The following ROS1 variants were observed in gnomAD, a reference collection of about 807,000 sequenced individuals.
ROS1 encodes the protein ROS proto-oncogene 1, receptor tyrosine kinase, also known as proto-oncogene tyrosine-protein kinase ROS.
Under a neutral mutation model 273.5 loss-of-function variants are expected in ROS1, and 263 were observed. The ratio of observed to expected loss-of-function variants is 0.96; its 90% CI spans 0.87 to 1.06. ROS1 has a LOEUF of 1.06. Among genes scored for constraint, ROS1 ranks in the 50% least tolerant of loss-of-function variants. The pLI is 0.00. For synonymous variants in ROS1, 1,008 were observed against 954.1 expected (o/e 1.06, Z -1.04); for missense variants, 2,833 against 2,751.1 (o/e 1.03, Z -0.67).
chr6:117,348,707 A>AT (rs199629368), intron 27 of ROS1, among the ~76,000 whole-genome samples: 2,758 of 151,758 alleles, frequency 0.018, 79 homozygotes, highest in African/African-American at 0.056. Context: ...TTTTAGATCT[A>AT]TTTTTTTAAT....
rs1225522207 is a variant in ROS1, at chr6:117,389,778, G to A, written c.1358C>T (p.Ala453Val). 1.2e-6 allele frequency: 2 copies of A among 1,613,974 alleles called. No homozygotes were observed. Among genetic ancestry groups the A allele is most frequent in the Non-Finnish European group, 1.7e-6 (2 of 1,179,992 alleles). ...ACTCTCCACAATACGCACAGCTTCT[G>A]CACACCGGCCAGATGGTACAGGAAG... ...ADLPVPSGRC[A>V]EAVRIVESCT... is the part of the protein sequence containing the mutation. The change falls in exon 13 of 44, where the codon GCA (alanine) becomes GTA (valine). Residue 453 changes from alanine to valine, a missense_variant. By Grantham distance (64) the Ala-to-Val change is moderately conservative (BLOSUM62 0). Transcript: ENST00000368507.
intron 18 of ROS1, among the ~76,000 whole-genome samples, chr6:117,373,284 C>T (rs987692028): frequency 3.9e-5 from 6 of 152,258 alleles, no homozygotes; most frequent in African/African-American, 9.6e-5. Flanking sequence ...CTACACCATG[C>T]GCCTGCACTC....
At chr6:117,290,293 C>T (rs915878720) in intron 43 of ROS1, among the ~76,000 whole-genome samples, 3 of 152,168 alleles carry the variant, frequency 2.0e-5, no homozygotes, top group African/African-American at 7.2e-5. Flanking sequence ...CATTAGCTAA[C>T]TACTTTATTG....
At chr6:117,320,484 C>T (rs1331049888) in intron 36 of ROS1, among the ~76,000 whole-genome samples, 1 of 152,110 alleles carries the variant, frequency 6.6e-6, no homozygotes, top group Non-Finnish European at 1.5e-5. Context: ...AAAAAATCAA[C>T]CCCATCACCA....
Position 117,353,063 on chromosome 6 carries a change from G to A in ROS1, c.4230C>T (p.Ala1410=). ...TTAGGGCCTTCACCTGGGAAACGAT[G>A]GCCCCATTTCCTTTCTTTGCCTGAT... ...QIYQAKKGNG[A]IVSQVKALRS... The change falls in exon 27 of 44, where the codon GCC becomes GCT. Residue 1410 remains alanine (A), a synonymous_variant. Coordinates refer to ENST00000368507, the MANE Select transcript of ROS1 (RefSeq NM_001378902.1). The A allele has an allele frequency of 6.2e-7, 1 of 1,614,120 alleles. No individual in the cohort carries two copies. Among genetic ancestry groups the A allele is most frequent in the Non-Finnish European group, 8.5e-7 (1 of 1,179,998 alleles).
At chr6:117,342,575 T>G (rs1427904414) in intron 28 of ROS1, 31 bp from the exon 29 acceptor site, 1 of 1,320,992 alleles carries the variant, frequency 7.6e-7, no homozygotes, top group Non-Finnish European at 1.0e-6. Flanking sequence ...ATCAACATCT[T>G]ATTTTTAACA....
intron 14 of ROS1, 142 bp downstream of exon 14, chr6:117,387,638 A>C: frequency 1.4e-6 from 1 of 733,142 alleles, no homozygotes; most frequent in Non-Finnish European, 2.3e-6. Flanking sequence ...TGTACTCAAT[A>C]TGTGTTTACT....
chr6:117,371,886 C>T (rs1461430699), intron 18 of ROS1, among the ~76,000 whole-genome samples: 2 of 152,182 alleles, frequency 1.3e-5, no homozygotes, highest in East Asian at 3.9e-4. Flanking sequence ...AACTACACCC[C>T]CATCCCCTAC....
At chr6:117,314,210 C>G (rs1775743016) in intron 39 of ROS1, among the ~76,000 whole-genome samples, 2 of 152,110 alleles carry the variant, frequency 1.3e-5, no homozygotes, top group Non-Finnish European at 2.9e-5. Context: ...CCAAACCTTA[C>G]TAACATGGCA....
rs1243356301 is a variant in ROS1, at chr6:117,321,377, T to G, written c.5641A>C (p.Lys1881Gln). 6.2e-7 allele frequency: 1 copy of G among 1,612,670 alleles called. No individual in the cohort carries two copies. The highest frequency in any genetic ancestry group is 8.5e-7 in the Non-Finnish European group (1 of 1,179,390). Residue 1881 changes from lysine (K) to glutamine (Q), a missense_variant, in exon 36 of 44, where the codon AAG (lysine) becomes CAG (glutamine). Coordinates refer to ENST00000368507, the MANE Select transcript of ROS1 (RefSeq NM_001378902.1). The stretch of plus-strand genomic sequence containing the variant: ...CCTTCCTTGGCACTTTTTTGATTCT[T>G]TAATCTTCTATGCCAGACTATAAAG... ...PLTFVWHRRL[K>Q]NQKSAKEGVT...
chr6:117,333,556 T>C (rs571799463), intron 32 of ROS1, among the ~76,000 whole-genome samples: 1 of 152,180 alleles, frequency 6.6e-6, no homozygotes, highest in African/African-American at 2.4e-5. Context: ...TTCGGGCCAA[T>C]ATACCTGATG....
rs1775437042 is a variant in ROS1, at chr6:117,310,259, G to A, written c.6238C>T (p.Leu2080Phe). ...IHRDLAARNC[L>F]VSVKDYTSPR... ...CTGGTATAGTCTTTCACGGAAACAA[G>A]GCAATTTCTAGCTGCCAGATCCCTG... The change falls in exon 41 of 44, where the codon CTT becomes TTT. Residue 2080 changes from leucine to phenylalanine, a missense_variant. By Grantham distance (22) the Leu-to-Phe change is conservative (BLOSUM62 0). Coordinates refer to ENST00000368507, the MANE Select transcript of ROS1 (RefSeq NM_001378902.1). The A allele has an allele frequency of 1.9e-6, 3 of 1,609,250 alleles. No homozygotes were observed. The highest frequency in any genetic ancestry group is 2.5e-6 in the Non-Finnish European group (3 of 1,177,514).
rs762731566 is a variant in ROS1, at chr6:117,389,465, A to G, written c.1671T>C (p.Phe557=). ...GAGGGTGCAGCTGGGAGGATGAGCC[A>G]AAGATGACCAAGTTACCAAACCCAA... is the stretch of plus-strand genomic sequence containing the variant. ...EEFGFGNLVI[F]GSSSQLHPLP... The change falls in exon 13 of 44, where the codon TTT becomes TTC. Residue 557 remains phenylalanine, a synonymous_variant. Coordinates refer to ENST00000368507, the MANE Select transcript of ROS1 (RefSeq NM_001378902.1). 1.5e-5 allele frequency: 24 copies of G among 1,614,094 alleles called. No homozygotes were observed. The highest frequency in any genetic ancestry group is 1.9e-5 in the Non-Finnish European group (22 of 1,180,048).
chr6:117,345,050 T>G (rs1284128372), intron 27 of ROS1, among the ~76,000 whole-genome samples: 2 of 152,216 alleles, frequency 1.3e-5, no homozygotes, highest in Non-Finnish European at 2.9e-5. Flanking sequence ...ACTCCAAATA[T>G]GATTTTAATA....
chr6:117,379,322 C>A lies in ROS1; in HGVS notation c.2482-163G>T, dbSNP rs1196866882. Among the ~76,000 whole-genome samples, 4 of 152,172 alleles carry A rather than the reference C, an allele frequency of 2.6e-5. No individual in the cohort carries two copies. The East Asian group carries it at 7.7e-4, about 29-fold the overall frequency. Reference sequence around the variant, plus strand: ...TGACTATAAAACTTATATGATTATGCTTATTACTGTTATTTGGATATAAAC... The same window carrying A: ...TGACTATAAAACTTATATGATTATGATTATTACTGTTATTTGGATATAAAC... On this transcript the variant is annotated intron_variant, in intron 17 of 43. Transcript: ENST00000368507.
rs186787903 is a variant in ROS1 at position 117,373,213 on chromosome 6, C to T, written c.2582+5846G>A. On this transcript the variant is annotated intron_variant, in intron 18 of 43. Coordinates refer to ENST00000368507, the MANE Select transcript of ROS1 (RefSeq NM_001378902.1). ...TCCAAGTCTCCACCTGACTCAGGAG[C>T]CCATCTGGCTTCGCCTAGTGGATCC... Among the ~76,000 whole-genome samples the T allele has an allele frequency of 2.9e-3, 437 of 152,358 alleles. 1 individual carries two copies. Among genetic ancestry groups the T allele is most frequent in the Non-Finnish European group, 4.5e-3 (306 of 68,038 alleles).
At chr6:117,403,329 T>G (rs765906265) in intron 6 of ROS1, 52 bp from the exon 7 acceptor site, 2 of 1,569,018 alleles carry the variant, frequency 1.3e-6, no homozygotes, top group Non-Finnish European at 1.7e-6. Flanking sequence ...CACCCCACAT[T>G]GGGACTAAAA....
At chr6:117,385,630 T>G (rs1003084556) in intron 16 of ROS1, 53 bp downstream of exon 16, 6 of 1,503,114 alleles carry the variant, frequency 4.0e-6, no homozygotes, top group African/African-American at 1.4e-5. Context: ...TGCAAGTCAC[T>G]GAAGTGGATA....
In ROS1 at chr6:117,389,671, T is replaced by A. The variant is rs746458448; in HGVS notation, c.1465A>T (p.Thr489Ser). Residue 489 changes from threonine (T) to serine (S), a missense_variant, in exon 13 of 44, where the codon ACA becomes TCA. Transcript: ENST00000368507. ...FNDTAQVFMS[T>S]FLDGSASHLI... ...TGGGAAGCAGAGCCATCCAGAAATG[T>A]TGACATGAAGACTTGGGCAGTGTCA... 1 of 1,614,118 alleles carries A rather than the reference T, an allele frequency of 6.2e-7. No homozygotes were observed. The highest frequency in any genetic ancestry group is 1.3e-5 in the African/African-American group (1 of 74,942).
Sources: allele counts gnomAD v4.1 joint callset (sites outside exome capture counted in the v4.1 genomes callset), GRCh38; gene constraint gnomAD v4.1.1; transcripts MANE v1.5; gene names NCBI Gene and HGNC (gene_info 2026-07-23, HGNC 2026-07-21).